Variants in TMPRSS11D observed in about 807,000 individuals in gnomAD.
TMPRSS11D encodes the protein transmembrane serine protease 11D, also known as transmembrane protease serine 11D.
In TMPRSS11D, 32 loss-of-function variants were observed where a neutral mutation model predicts 44.4. The observed-to-expected ratio is 0.72, with a 90% CI of 0.54 to 0.97. The LOEUF is 0.97. TMPRSS11D is among the 50% of genes least tolerant of loss of function. The pLI is 0.00. For missense variants in TMPRSS11D, 446 were observed against 502.6 expected, an observed-to-expected ratio of 0.89 and a Z score of 1.08; for synonymous variants, 179 against 177.9, an observed-to-expected ratio of 1.01 and a Z score of -0.05.
chr4:67,837,107 G>A (rs1437673109), intron 5 of TMPRSS11D, among the ~76,000 whole-genome samples: 1 of 152,072 alleles, frequency 6.6e-6, no homozygotes, highest in East Asian at 1.9e-4. Context: ...ACTAGATTAT[G>A]GGCTCTGGAG....
chr4:67,840,397 G>C (rs527764600), intron 4 of TMPRSS11D, among the ~76,000 whole-genome samples: 41 of 152,180 alleles, frequency 2.7e-4, no homozygotes, highest in African/African-American at 9.2e-4. Context: ...ATGGGAACCA[G>C]AGTTCAAGAT....
At chr4:67,831,072 A>G (rs911751042) in intron 7 of TMPRSS11D, among the ~76,000 whole-genome samples, 3 of 152,134 alleles carry the variant, frequency 2.0e-5, no homozygotes, top group Admixed American at 6.6e-5. Context: ...ATAAAAATAT[A>G]AGTAATTATG....
chr4:67,827,999 T>A (rs1018415159), intron 7 of TMPRSS11D, among the ~76,000 whole-genome samples: 2 of 151,928 alleles, frequency 1.3e-5, no homozygotes, highest in African/African-American at 4.8e-5. Context: ...GATGAATAAT[T>A]TTTCTGCACT....
chr4:67,868,166 G>T (rs1038336366), intron 1 of TMPRSS11D, among the ~76,000 whole-genome samples: 3 of 151,886 alleles, frequency 2.0e-5, no homozygotes, highest in Non-Finnish European at 2.9e-5. Context: ...AATATGGATG[G>T]AACTGGAGGC....
At chr4:67,871,293 C>T (rs1719058222) in intron 1 of TMPRSS11D, among the ~76,000 whole-genome samples, 1 of 152,126 alleles carries the variant, frequency 6.6e-6, no homozygotes, top group South Asian at 2.1e-4. Flanking sequence ...CAGCTCTGCA[C>T]TCATAATTTG....
chr4:67,872,853 G>A (rs892929812), intron 1 of TMPRSS11D, among the ~76,000 whole-genome samples: 6 of 152,108 alleles, frequency 3.9e-5, no homozygotes, highest in African/African-American at 1.4e-4. Flanking sequence ...TACACATAAT[G>A]GTTAAAACAC....
chr4:67,832,823 G>A (rs1040513161), intron 7 of TMPRSS11D, among the ~76,000 whole-genome samples: 6 of 151,758 alleles, frequency 4.0e-5, no homozygotes, highest in Admixed American at 3.9e-4. Flanking sequence ...TTTAACGTAT[G>A]TTTACATTAG....
intron 1 of TMPRSS11D, among the ~76,000 whole-genome samples, chr4:67,878,939 G>T (rs989971558): frequency 1.3e-5 from 2 of 151,788 alleles, no homozygotes; most frequent in South Asian, 4.2e-4. Context: ...AAACATATAT[G>T]GAGTAATTAT....
chr4:67,859,827 C>G, intron 1 of TMPRSS11D, 149 bp from the exon 2 acceptor site: 1 of 1,067,478 alleles, frequency 9.4e-7, no homozygotes, highest in Non-Finnish European at 1.3e-6. Context: ...TGAAACTGAA[C>G]TTAACAAGGC....
At chr4:67,829,146 C>A (rs1432056813) in intron 7 of TMPRSS11D, among the ~76,000 whole-genome samples, 3 of 151,880 alleles carry the variant, frequency 2.0e-5, no homozygotes, top group African/African-American at 7.3e-5. Flanking sequence ...AAAAGGCACC[C>A]ATTTTTCATC....
At chr4:67,854,487 G>A (rs1718586824) in intron 2 of TMPRSS11D, among the ~76,000 whole-genome samples, 1 of 151,990 alleles carries the variant, frequency 6.6e-6, no homozygotes, top group Non-Finnish European at 1.5e-5. Context: ...GAGATTTGTG[G>A]TGTATTCATT....
chr4:67,863,916 G>A (rs956860294), intron 1 of TMPRSS11D, among the ~76,000 whole-genome samples: 2 of 152,016 alleles, frequency 1.3e-5, no homozygotes, highest in Non-Finnish European at 2.9e-5. Context: ...GTATGAGCTT[G>A]GATGAGTCCT....
At chr4:67,863,080 A>G (rs1718831792) in intron 1 of TMPRSS11D, among the ~76,000 whole-genome samples, 1 of 150,494 alleles carries the variant, frequency 6.6e-6, no homozygotes. Context: ...TAAAAAAATA[A>G]AAATAAAAAA....
chr4:67,869,701 G>A (rs563343455), intron 1 of TMPRSS11D, among the ~76,000 whole-genome samples: 46 of 152,282 alleles, frequency 3.0e-4, no homozygotes, highest in Admixed American at 9.8e-4. Flanking sequence ...TACTAATAAT[G>A]AATGAAAACA....
intron 1 of TMPRSS11D, among the ~76,000 whole-genome samples, chr4:67,875,896 T>C (rs1004685234): frequency 8.5e-5 from 13 of 152,224 alleles, no homozygotes; most frequent in Admixed American, 6.5e-4. Context: ...TATTTAATGA[T>C]CTGTTCATTA....
chr4:67,867,277 G>C (rs1476754854), intron 1 of TMPRSS11D, among the ~76,000 whole-genome samples: 1 of 152,030 alleles, frequency 6.6e-6, no homozygotes. Flanking sequence ...TTGGACTGCT[G>C]TATATCAAAG....
intron 1 of TMPRSS11D, among the ~76,000 whole-genome samples, chr4:67,882,083 T>C (rs1410454411): frequency 6.6e-6 from 1 of 152,102 alleles, no homozygotes; most frequent in East Asian, 1.9e-4. Context: ...AGGATTTCCT[T>C]CTTCAGACAA....
At chr4:67,838,020 G>T in intron 5 of TMPRSS11D, 152 bp downstream of exon 5, 1 of 529,762 alleles carries the variant, frequency 1.9e-6, no homozygotes, top group Non-Finnish European at 3.1e-6. Context: ...TTACGTTAGG[G>T]AGCTATATGG....
At chr4:67,845,989 C>A (rs114964311) in intron 3 of TMPRSS11D, among the ~76,000 whole-genome samples, 2 of 152,204 alleles carry the variant, frequency 1.3e-5, no homozygotes, top group African/African-American at 4.8e-5. Context: ...GATTAATCAC[C>A]TTCTTTAGTG....
Sources: allele counts gnomAD v4.1 joint callset (sites outside exome capture counted in the v4.1 genomes callset), GRCh38; gene constraint gnomAD v4.1.1; transcripts MANE v1.5; gene names NCBI Gene and HGNC (gene_info 2026-07-23, HGNC 2026-07-21).